Variants in ATP8A2 observed in about 807,000 individuals in gnomAD.
ATP8A2 encodes ATPase phospholipid transporting 8A2, also known as phospholipid-transporting ATPase IB.
A neutral mutation model predicts 165.6 loss-of-function variants in ATP8A2; 100 were observed. That is an observed-to-expected ratio of 0.60 (90% CI 0.51 to 0.71). The LOEUF (loss-of-function observed/expected upper bound fraction) is 0.71. Among genes scored for constraint, ATP8A2 ranks in the 30% least tolerant of loss-of-function variants. ATP8A2 has a pLI of 0.00. For synonymous variants in ATP8A2, 543 were observed against 548.8 expected (o/e 0.99, Z 0.15); for missense variants, 1,227 against 1,479.5 (o/e 0.83, Z 2.80).
intron 33 of ATP8A2, among the ~76,000 whole-genome samples, chr13:25,908,756 C>T (rs1332667513): frequency 6.6e-6 from 1 of 152,192 alleles, no homozygotes; most frequent in Non-Finnish European, 1.5e-5. Context: ...AAAGAAACTG[C>T]CTTCAGAGGA....
chr13:26,004,593 A>G (rs972656595), intron 35 of ATP8A2, among the ~76,000 whole-genome samples: 1 of 152,068 alleles, frequency 6.6e-6, no homozygotes, highest in Non-Finnish European at 1.5e-5. Flanking sequence ...TTCTAACCTT[A>G]GAGGAAAAGC....
chr13:25,673,398 A>G (rs1444762465), intron 24 of ATP8A2, among the ~76,000 whole-genome samples: 1 of 152,266 alleles, frequency 6.6e-6, no homozygotes, highest in Non-Finnish European at 1.5e-5. Flanking sequence ...GCTACAAAGC[A>G]GAGACTCTGA....
chr13:25,685,418 G>A (rs1031638425), intron 24 of ATP8A2, among the ~76,000 whole-genome samples: 1 of 152,226 alleles, frequency 6.6e-6, no homozygotes, highest in Non-Finnish European at 1.5e-5. Flanking sequence ...GAGTCAGCCA[G>A]GAAATCCTGG....
chr13:25,814,641 C>G (rs1243119937), intron 27 of ATP8A2, among the ~76,000 whole-genome samples: 3 of 122,698 alleles, frequency 2.4e-5, no homozygotes, highest in African/African-American at 6.3e-5. Context: ...AAAAAAAAGT[C>G]CTTTCAACGA....
At chr13:25,429,537 T>C (rs1050546620) in intron 1 of ATP8A2, among the ~76,000 whole-genome samples, 1 of 132,034 alleles carries the variant, frequency 7.6e-6, no homozygotes, top group East Asian at 3.0e-4. Flanking sequence ...CTGCAGTCAT[T>C]TGTACCCTTG....
At chr13:25,797,819 T>C (rs1217526442) in intron 27 of ATP8A2, among the ~76,000 whole-genome samples, 1 of 152,082 alleles carries the variant, frequency 6.6e-6, no homozygotes, top group Non-Finnish European at 1.5e-5. Context: ...TTGGTAAACA[T>C]TTCATCTGAA....
intron 25 of ATP8A2, among the ~76,000 whole-genome samples, chr13:25,715,773 A>G (rs1308604118): frequency 6.6e-6 from 1 of 152,154 alleles, no homozygotes; most frequent in Non-Finnish European, 1.5e-5. Context: ...TTCATCTACA[A>G]ATTTTTGTGT....
intron 1 of ATP8A2, among the ~76,000 whole-genome samples, chr13:25,443,097 C>T (rs1002064533): frequency 6.6e-6 from 1 of 152,136 alleles, no homozygotes; most frequent in African/African-American, 2.4e-5. Context: ...CCTTTTGTAT[C>T]ATATCTAAGA....
chr13:26,013,139 T>C (rs1188103141), intron 36 of ATP8A2, among the ~76,000 whole-genome samples: 1 of 151,280 alleles, frequency 6.6e-6, no homozygotes, highest in Non-Finnish European at 1.5e-5. Context: ...CCCCCGACTT[T>C]GGAGCTCAGG....
At chr13:25,620,476 C>T (rs759079785) in intron 24 of ATP8A2, among the ~76,000 whole-genome samples, 14 of 151,798 alleles carry the variant, frequency 9.2e-5, no homozygotes, top group East Asian at 5.8e-4. Flanking sequence ...GCATGTTGTA[C>T]GGAAAAAAAT....
At chr13:25,417,668 T>G (rs1052050409) in intron 1 of ATP8A2, among the ~76,000 whole-genome samples, 1 of 152,210 alleles carries the variant, frequency 6.6e-6, no homozygotes, top group African/African-American at 2.4e-5. Flanking sequence ...AGTAGAGATT[T>G]CTGACTCACT....
chr13:25,899,535 G>T (rs546823860), intron 33 of ATP8A2, among the ~76,000 whole-genome samples: 1 of 152,276 alleles, frequency 6.6e-6, no homozygotes, highest in South Asian at 2.1e-4. Flanking sequence ...GATAATAGAG[G>T]CCTCCCAGGA....
chr13:26,005,360 T>A (rs1458311962), intron 35 of ATP8A2, among the ~76,000 whole-genome samples: 1 of 152,008 alleles, frequency 6.6e-6, no homozygotes, highest in Non-Finnish European at 1.5e-5. Flanking sequence ...TAGCTAGGAG[T>A]TTGTAGATCT....
chr13:25,749,160 G>A (rs545643384), intron 25 of ATP8A2, among the ~76,000 whole-genome samples: 23 of 152,324 alleles, frequency 1.5e-4, no homozygotes, highest in African/African-American at 5.3e-4. Context: ...TTGGCAGCAG[G>A]TGGGCCAGGC....
intron 1 of ATP8A2, among the ~76,000 whole-genome samples, chr13:25,445,379 G>A (rs562041449): frequency 6.6e-6 from 1 of 152,246 alleles, no homozygotes; most frequent in East Asian, 1.9e-4. Context: ...GTAGCACCTG[G>A]CGTTCTCTTC....
chr13:25,413,182 G>C (rs1292441076), intron 1 of ATP8A2, among the ~76,000 whole-genome samples: 1 of 151,878 alleles, frequency 6.6e-6, no homozygotes, highest in Non-Finnish European at 1.5e-5. Flanking sequence ...TTGATTTTTT[G>C]GTGCAGTACT....
chr13:25,485,295 T>C (rs1347228119), intron 2 of ATP8A2, among the ~76,000 whole-genome samples: 1 of 152,238 alleles, frequency 6.6e-6, no homozygotes, highest in Non-Finnish European at 1.5e-5. Context: ...CGTGTGTGTG[T>C]GTATGTTGGG....
intron 35 of ATP8A2, among the ~76,000 whole-genome samples, chr13:26,009,980 C>T (rs547887027): frequency 6.4e-4 from 98 of 152,242 alleles, no homozygotes; most frequent in African/African-American, 2.3e-3. Context: ...GCAGGAGAAT[C>T]GCTTGAACCT....
chr13:25,687,266 C>T (rs2042621627), intron 24 of ATP8A2, among the ~76,000 whole-genome samples: 1 of 152,156 alleles, frequency 6.6e-6, no homozygotes, highest in Non-Finnish European at 1.5e-5. Flanking sequence ...CCAGTGGGAG[C>T]AGTAAGGAAA....
Sources: gnomAD v4.1 joint callset for allele counts (sites outside exome capture counted in the v4.1 genomes callset) on GRCh38, gnomAD v4.1.1 for gene constraint, MANE v1.5 for transcripts, NCBI Gene and HGNC (gene_info 2026-07-23, HGNC 2026-07-21) for gene names.